The following TUSC3 variants were observed in gnomAD, a reference collection of about 807,000 sequenced individuals.
TUSC3 encodes tumor suppressor candidate 3.
Under a neutral mutation model 44.8 loss-of-function variants are expected in TUSC3, and 45 were observed. The observed-to-expected ratio is 1.00, with a 90% CI of 0.79 to 1.29. TUSC3 has a LOEUF of 1.29. Among genes scored for constraint, TUSC3 ranks in the 50% most tolerant of loss-of-function variants. TUSC3 has a pLI of 0.00. For synonymous variants in TUSC3, 212 were observed against 152.9 expected (o/e 1.39, Z -2.85); for missense variants, 519 against 437.9 (o/e 1.19, Z -1.65).
At chr8:15,477,460 C>T (rs529877391) in intron 1 of TUSC3, among the ~76,000 whole-genome samples, 29 of 152,272 alleles carry the variant, frequency 1.9e-4, no homozygotes, top group Middle Eastern at 3.4e-3. Context: ...AGTGTGCTCA[C>T]GCCTGTAATC....
chr8:15,569,166 G>T (rs1371552889), intron 1 of TUSC3, among the ~76,000 whole-genome samples: 2 of 152,052 alleles, frequency 1.3e-5, no homozygotes, highest in African/African-American at 4.8e-5. Flanking sequence ...TCTTATAATT[G>T]TTGAAATGTT....
intron 1 of TUSC3, among the ~76,000 whole-genome samples, chr8:15,448,193 A>C (rs997555405): frequency 1.3e-5 from 2 of 149,534 alleles, no homozygotes; most frequent in African/African-American, 2.5e-5. Context: ...ATCTCAGCTC[A>C]CTGCAACCTC....
At chr8:15,483,032 C>T (rs1019738800) in intron 1 of TUSC3, among the ~76,000 whole-genome samples, 6 of 152,022 alleles carry the variant, frequency 3.9e-5, no homozygotes, top group Admixed American at 2.6e-4. Flanking sequence ...AGACTAAAAG[C>T]CAACTTTAAT....
In TUSC3 at chr8:15,765,114, C is replaced by CTGTT. The variant is rs1241475687; in HGVS notation, c.*960_*963dup. The CTGTT allele has an allele frequency of 6.6e-6, 1 of 151,910 alleles. No individual in the cohort carries two copies. The highest frequency in any genetic ancestry group is 1.5e-5 in the Non-Finnish European group (1 of 67,914). 9.4% of individuals were successfully genotyped at this position (151,910 alleles called of 1,614,324 possible). A position where few individuals can be genotyped will look rare whatever the true frequency, so the allele number is the denominator to read the frequency against. On this transcript the variant is annotated 3_prime_UTR_variant, in exon 11 of 11. Coordinates refer to ENST00000503731, the MANE Select transcript of TUSC3 (RefSeq NM_006765.4). ...TGTAATGTACTATTATGTTTGTATC[C>CTGTT]TGTTTTAGTTTATAAAGCACTTTCA... is the stretch of plus-strand genomic sequence containing the variant.
At chr8:15,721,198 G>C (rs965159863) in intron 6 of TUSC3, among the ~76,000 whole-genome samples, 2 of 152,064 alleles carry the variant, frequency 1.3e-5, no homozygotes, top group African/African-American at 4.8e-5. Flanking sequence ...TGGTTACATA[G>C]CTTTCCTGGG....
chr8:15,843,715 ATATG>A, the TUSC3 span, among the ~76,000 whole-genome samples: 1 of 151,540 alleles, frequency 6.6e-6, no homozygotes, highest in African/African-American at 2.4e-5. Flanking sequence ...TATAAGATGT[ATATG>A]TATGTGTGTG....
At chr8:15,839,972 C>A in the TUSC3 span, among the ~76,000 whole-genome samples, 2 of 152,134 alleles carry the variant, frequency 1.3e-5, no homozygotes, top group Non-Finnish European at 2.9e-5. Flanking sequence ...GACTTGGAAC[C>A]AACCCAAATG....
chr8:15,761,804 G>A (rs980880607), intron 10 of TUSC3, among the ~76,000 whole-genome samples: 12 of 152,032 alleles, frequency 7.9e-5, no homozygotes, highest in African/African-American at 2.7e-4. Flanking sequence ...AGTATGATAC[G>A]AAGGCATTTA....
chr8:15,514,477 A>G (rs1801187988), intron 2 of TUSC3, among the ~76,000 whole-genome samples: 1 of 152,218 alleles, frequency 6.6e-6, no homozygotes, highest in Non-Finnish European at 1.5e-5. Flanking sequence ...GAAGTATAAA[A>G]ACCAAAAATA....
At chr8:15,832,343 C>A in the TUSC3 span, among the ~76,000 whole-genome samples, 1 of 152,142 alleles carries the variant, frequency 6.6e-6, no homozygotes, top group Non-Finnish European at 1.5e-5. Flanking sequence ...CTGAAGTACA[C>A]AGACCTGTGA....
chr8:15,708,833 G>T (rs942657113), intron 6 of TUSC3, among the ~76,000 whole-genome samples: 2 of 151,888 alleles, frequency 1.3e-5, no homozygotes, highest in African/African-American at 2.4e-5. Flanking sequence ...CCAAATCCGT[G>T]TGTAAACTTG....
intron 1 of TUSC3, among the ~76,000 whole-genome samples, chr8:15,612,363 G>A (rs891333325): frequency 6.6e-6 from 1 of 152,096 alleles, no homozygotes; most frequent in African/African-American, 2.4e-5. Flanking sequence ...ACAAGAAAGA[G>A]TAAAAAATAT....
chr8:15,769,054 ATAGAAT>A (rs995183121), downstream of TUSC3, among the ~76,000 whole-genome samples: 3 of 152,198 alleles, frequency 2.0e-5, no homozygotes, highest in Non-Finnish European at 2.9e-5. Flanking sequence ...GACTTTCTTT[ATAGAAT>A]TAGAAAGAAA....
the TUSC3 span, among the ~76,000 whole-genome samples, chr8:15,811,700 G>A: frequency 2.6e-5 from 4 of 152,168 alleles, no homozygotes; most frequent in Non-Finnish European, 4.4e-5. Flanking sequence ...AGGGGTGAAG[G>A]AAGTGAATAG....
chr8:15,616,666 C>G (rs1213877538), intron 1 of TUSC3, among the ~76,000 whole-genome samples: 1 of 152,158 alleles, frequency 6.6e-6, no homozygotes, highest in East Asian at 1.9e-4. Flanking sequence ...TTCATTCATT[C>G]TGGCTGTGCT....
intron 6 of TUSC3, among the ~76,000 whole-genome samples, chr8:15,675,206 A>G (rs76717939): frequency 1.3e-4 from 20 of 152,184 alleles, no homozygotes; most frequent in African/African-American, 4.8e-4. Flanking sequence ...TGATGCAAAG[A>G]TCTGATCGCT....
At chr8:15,598,195 T>C (rs1804146390) in intron 1 of TUSC3, among the ~76,000 whole-genome samples, 1 of 152,122 alleles carries the variant, frequency 6.6e-6, no homozygotes, top group Non-Finnish European at 1.5e-5. Context: ...TCCCTGTCCT[T>C]GCACTCCATC....
At chr8:15,655,327 CCT>C (rs1807105535) in intron 3 of TUSC3, among the ~76,000 whole-genome samples, 1 of 152,158 alleles carries the variant, frequency 6.6e-6, no homozygotes, top group Non-Finnish European at 1.5e-5. Context: ...ATATGACCTT[CCT>C]CGCGGAACAC....
chr8:15,730,584 ATTGT>A, intron 6 of TUSC3, 78 bp from the exon 7 acceptor site: 4 of 1,353,526 alleles, frequency 3.0e-6, no homozygotes, highest in Non-Finnish European at 4.1e-6. Context: ...AGATTTTTCC[ATTGT>A]TTATCTTCAT....
Sources: gnomAD v4.1 joint callset for allele counts (sites outside exome capture counted in the v4.1 genomes callset) on GRCh38, gnomAD v4.1.1 for gene constraint, MANE v1.5 for transcripts, NCBI Gene and HGNC (gene_info 2026-07-23, HGNC 2026-07-21) for gene names.